NTN1: variants seen among roughly 807,000 people sequenced by gnomAD.
The protein encoded by NTN1 is netrin-1.
Under a neutral mutation model 54.2 loss-of-function variants are expected in NTN1, and 11 were observed. The ratio of observed to expected loss-of-function variants is 0.20; its 90% CI spans 0.13 to 0.34. The LOEUF is 0.34. Among genes scored for constraint, NTN1 ranks in the 10% least tolerant of loss-of-function variants. The pLI, the probability that NTN1 is intolerant of heterozygous loss-of-function variation, is 1.00. For missense variants in NTN1, 740 were observed against 893.1 expected, an observed-to-expected ratio of 0.83 and a Z score of 2.18; for synonymous variants, 371 against 382.0, an observed-to-expected ratio of 0.97 and a Z score of 0.33.
intron 2 of NTN1, among the ~76,000 whole-genome samples, chr17:9,078,474 G>T (rs1029601215): frequency 6.6e-6 from 1 of 152,210 alleles, no homozygotes; most frequent in Non-Finnish European, 1.5e-5. Context: ...TCTGGCTCCC[G>T]ACTGCATTTT....
rs1904547750 is a variant in NTN1 at position 9,193,937 on chromosome 17, A to AAAAAAAAC, written c.1411+10970_1411+10977dup. Reference sequence around the variant, plus strand: ...ACTCCGACTAAAAAAAAAAAAAAAAAAAAAAAACATTATGCAGGTTGGGCG... The same window carrying AAAAAAAAC: ...ACTCCGACTAAAAAAAAAAAAAAAAAAAAAAAACAAAAAAACATTATGCAGGTTGGGCG... On this transcript the variant is annotated intron_variant, in intron 5 of 6. Transcript: ENST00000173229. Among the ~76,000 whole-genome samples, 3 of 139,116 alleles carry AAAAAAAAC rather than the reference A, an allele frequency of 2.2e-5. 1 individual carries two copies. Among genetic ancestry groups the AAAAAAAAC allele is most frequent in the African/African-American group, 8.3e-5 (3 of 36,358 alleles). 91.3% of individuals were successfully genotyped at this position (139,116 alleles called of 152,430 possible). A position where few individuals can be genotyped will look rare whatever the true frequency, so the allele number is the denominator to read the frequency against.
intron 2 of NTN1, among the ~76,000 whole-genome samples, chr17:9,102,360 A>T (rs1382361974): frequency 6.6e-6 from 1 of 151,952 alleles, no homozygotes; most frequent in Non-Finnish European, 1.5e-5. Flanking sequence ...AAGAAGAATG[A>T]GTGCTTAGTG....
the NTN1 span, among the ~76,000 whole-genome samples, chr17:9,014,351 T>C: frequency 1.3e-5 from 2 of 151,566 alleles, no homozygotes; most frequent in Non-Finnish European, 2.9e-5. Context: ...CTGAGAATTA[T>C]ACATATGAAA....
At chr17:9,148,769 A>T (rs2092320262) in intron 2 of NTN1, among the ~76,000 whole-genome samples, 1 of 151,614 alleles carries the variant, frequency 6.6e-6, no homozygotes, top group African/African-American at 2.4e-5. Context: ...GTCCACGAGC[A>T]GGAATCTTGA....
At chr17:9,120,905 C>T (rs2092229929) in intron 2 of NTN1, among the ~76,000 whole-genome samples, 1 of 152,222 alleles carries the variant, frequency 6.6e-6, no homozygotes, top group Non-Finnish European at 1.5e-5. Context: ...ACAAGAGTCA[C>T]TTCAGTTCTT....
At chr17:9,146,076 T>C (rs59618893) in intron 2 of NTN1, among the ~76,000 whole-genome samples, 11,446 of 152,200 alleles carry the variant, frequency 0.075, 1,062 homozygotes, top group African/African-American at 0.22. Context: ...GGGAGACCCC[T>C]GCGAGGCCCT....
At chr17:9,100,743 A>G (rs1038836106) in intron 2 of NTN1, among the ~76,000 whole-genome samples, 10 of 152,180 alleles carry the variant, frequency 6.6e-5, no homozygotes, top group African/African-American at 2.4e-4. Flanking sequence ...TTCCAATATG[A>G]TGTTTGCCTT....
At chr17:9,199,063 C>G (rs533114112) in intron 5 of NTN1, among the ~76,000 whole-genome samples, 2 of 152,336 alleles carry the variant, frequency 1.3e-5, no homozygotes, top group East Asian at 3.9e-4. Flanking sequence ...TTCTCACAAC[C>G]CTGTATTGGT....
At position 9,243,866 on chromosome 17, in the gene NTN1, T is replaced by TTTTC. The variant is rs559060193; in HGVS notation, c.*3907_*3910dup. The TTTTC allele has an allele frequency of 9.9e-5, 14 of 141,768 alleles. No individual in the cohort carries two copies. The highest frequency in any genetic ancestry group is 3.1e-4 in the African/African-American group (12 of 38,526). 8.8% of individuals were successfully genotyped at this position (141,768 alleles called of 1,614,324 possible). On this transcript the variant is annotated 3_prime_UTR_variant, in exon 7 of 7. Coordinates refer to ENST00000173229, the MANE Select transcript of NTN1 (RefSeq NM_004822.3). ...TTAATGACATGGAAAAAGTTGTGGA[T>TTTTC]TTTCTTTCTTTCCTTTTTTTTGGGG... is the stretch of plus-strand genomic sequence containing the variant.
intron 6 of NTN1, among the ~76,000 whole-genome samples, chr17:9,234,244 G>T (rs1261183567): frequency 6.6e-6 from 1 of 152,232 alleles, no homozygotes. Context: ...TTCTTGGAAT[G>T]AAAGACCTTC....
At chr17:9,023,475 A>AGC (rs1223661162) in intron 2 of NTN1, 84 bp downstream of exon 2, 14 of 1,308,542 alleles carry the variant, frequency 1.1e-5, no homozygotes, top group Middle Eastern at 2.8e-4. Context: ...AGTTCATAGG[A>AGC]GCGCGGGTCG....
upstream of NTN1, chr17:9,021,476 C>T (rs1425073501): frequency 5.3e-5 from 8 of 151,824 alleles, no homozygotes; most frequent in Non-Finnish European, 1.0e-4. Flanking sequence ...CCCGGCGGCC[C>T]CGCCCCCCGC....
At chr17:9,089,519 G>T (rs1210457602) in intron 2 of NTN1, among the ~76,000 whole-genome samples, 1 of 152,032 alleles carries the variant, frequency 6.6e-6, no homozygotes, top group Non-Finnish European at 1.5e-5. Context: ...ACAATTTCTT[G>T]TTGATAACGC....
intron 2 of NTN1, among the ~76,000 whole-genome samples, chr17:9,112,685 C>T (rs780006043): frequency 2.0e-5 from 3 of 151,710 alleles, no homozygotes; most frequent in Admixed American, 6.6e-5. Flanking sequence ...ATTAGCCGGG[C>T]GTGGTGGCAG....
intron 5 of NTN1, among the ~76,000 whole-genome samples, chr17:9,197,488 G>A (rs1288841835): frequency 6.6e-6 from 1 of 151,764 alleles, no homozygotes; most frequent in Admixed American, 6.6e-5. Flanking sequence ...GCGAAACCCT[G>A]TCTCTACTAA....
chr17:9,003,096 C>A, the NTN1 span, among the ~76,000 whole-genome samples: 1 of 152,072 alleles, frequency 6.6e-6, no homozygotes, highest in Admixed American at 6.5e-5. The surrounding 1 kb of genome is among the most constrained non-coding windows in gnomAD (Gnocchi z 7.4). Flanking sequence ...CGCACTCGAA[C>A]GGGAGCCGCG....
chr17:9,031,696 G>A lies in NTN1; in HGVS notation c.1018+8305G>A, dbSNP rs2091888733. The stretch of plus-strand genomic sequence containing the variant: ...GCGGTGGCTCACACCTGTAATCCTA[G>A]CACTTTGGGAGGTTGAGGCAGGCAG... On this transcript the variant is annotated intron_variant, in intron 2 of 6. Coordinates refer to ENST00000173229, the MANE Select transcript of NTN1 (RefSeq NM_004822.3). Among the ~76,000 whole-genome samples the A allele has an allele frequency of 3.3e-5, 5 of 152,272 alleles. 1 individual carries two copies. In the South Asian group the frequency reaches 1.0e-3, roughly 32 times the overall value.
intron 3 of NTN1, 144 bp downstream of exon 3, chr17:9,163,145 GTGACACACACAC>G: frequency 1.5e-6 from 1 of 649,328 alleles, no homozygotes; most frequent in Non-Finnish European, 2.5e-6. Flanking sequence ...TTCTCTCTCT[GTGACACACACAC>G]ACACACACAC....
At chr17:9,133,754 ATTTTTTT>A (rs57053201) in intron 2 of NTN1, among the ~76,000 whole-genome samples, 6 of 104,536 alleles carry the variant, frequency 5.7e-5, no homozygotes, top group Middle Eastern at 5.1e-3. Flanking sequence ...TGCCCAGCTA[ATTTTTTT>A]TTTTTTTTTT....
Sources: gnomAD v4.1 joint callset for allele counts (sites outside exome capture counted in the v4.1 genomes callset) on GRCh38, gnomAD v4.1.1 for gene constraint, Gnocchi (gnomAD v3.1) non-coding constraint, MANE v1.5 for transcripts, NCBI Gene and HGNC (gene_info 2026-07-23, HGNC 2026-07-21) for gene names.